Variants in SLC25A17 observed in about 807,000 individuals in gnomAD.
The protein encoded by SLC25A17 is solute carrier family 25 member 17, also known as peroxisomal membrane protein PMP34.
Under a neutral mutation model 38.5 loss-of-function variants are expected in SLC25A17, and 26 were observed. The ratio of observed to expected loss-of-function variants is 0.68; its 90% confidence interval spans 0.50 to 0.94. The LOEUF (loss-of-function observed/expected upper bound fraction) is 0.94. SLC25A17 is among the 40% of genes least tolerant of loss of function. The pLI, the probability that SLC25A17 is intolerant of heterozygous loss-of-function variation, is 0.00. For synonymous variants in SLC25A17, 139 were observed against 136.2 expected (o/e 1.02, Z -0.14); for missense variants, 333 against 372.7 (o/e 0.89, Z 0.88).
At chr22:40,774,964 G>C (rs938737285) in intron 7 of SLC25A17, among the ~76,000 whole-genome samples, 1 of 151,834 alleles carries the variant, frequency 6.6e-6, no homozygotes, top group Non-Finnish European at 1.5e-5. Context: ...TGCCACCACC[G>C]TGGTCCAGGC....
chr22:40,801,626 C>T (rs892145989), intron 1 of SLC25A17, among the ~76,000 whole-genome samples: 3 of 152,174 alleles, frequency 2.0e-5, no homozygotes, highest in Admixed American at 1.3e-4. Flanking sequence ...TCACAAAACA[C>T]TGAACCCACA....
intron 8 of SLC25A17, among the ~76,000 whole-genome samples, chr22:40,771,755 C>A (rs923180556): frequency 6.6e-6 from 1 of 151,714 alleles, no homozygotes; most frequent in Non-Finnish European, 1.5e-5. Context: ...TTAATAGGTA[C>A]AAAAATAGAT....
chr22:40,771,138 C>T (rs2057178887), intron 8 of SLC25A17, among the ~76,000 whole-genome samples, 157 bp from the exon 9 acceptor site: 1 of 152,236 alleles, frequency 6.6e-6, no homozygotes, highest in African/African-American at 2.4e-5. Flanking sequence ...GACGGAGTCT[C>T]GCTCTGTCGC....
At chr22:40,800,236 A>T (rs1050320700) in intron 1 of SLC25A17, among the ~76,000 whole-genome samples, 1 of 152,226 alleles carries the variant, frequency 6.6e-6, no homozygotes, top group African/African-American at 2.4e-5. Flanking sequence ...GTCCTATATA[A>T]AAACCACAAA....
At chr22:40,788,035 C>T (rs1044524475) in intron 4 of SLC25A17, among the ~76,000 whole-genome samples, 2 of 152,166 alleles carry the variant, frequency 1.3e-5, no homozygotes, top group Admixed American at 1.3e-4. Flanking sequence ...GGATTACAGG[C>T]GTGAGCCACT....
chr22:40,797,722 C>T (rs976168481), intron 2 of SLC25A17, among the ~76,000 whole-genome samples: 2 of 152,168 alleles, frequency 1.3e-5, no homozygotes, highest in African/African-American at 4.8e-5. Context: ...ACAATGATGA[C>T]CAGTATTTAA....
At chr22:40,788,934 T>TA in intron 4 of SLC25A17, 1 of 308,102 alleles carries the variant, frequency 3.2e-6, no homozygotes, top group South Asian at 4.1e-5. Context: ...TCTTTTCTGG[T>TA]CTGAGGTAGC....
intron 3 of SLC25A17, among the ~76,000 whole-genome samples, chr22:40,793,786 A>G (rs1056608254): frequency 1.9e-4 from 29 of 151,980 alleles, no homozygotes; most frequent in Non-Finnish European, 2.9e-5. Context: ...CTAATTTTGT[A>G]TTTTTAGTAA....
intron 1 of SLC25A17, among the ~76,000 whole-genome samples, chr22:40,812,290 C>T (rs1458146303): frequency 6.6e-6 from 1 of 152,124 alleles, no homozygotes; most frequent in African/African-American, 2.4e-5. Flanking sequence ...TATATCTCTC[C>T]TGTAAATATC....
chr22:40,790,532 T>G (rs1426035218), intron 4 of SLC25A17, among the ~76,000 whole-genome samples: 1 of 150,528 alleles, frequency 6.6e-6, no homozygotes, highest in African/African-American at 2.4e-5. Flanking sequence ...AAGTAAAAAA[T>G]GAAAGCTAAC....
intron 3 of SLC25A17, among the ~76,000 whole-genome samples, chr22:40,794,007 G>A (rs948296147): frequency 6.6e-6 from 1 of 152,162 alleles, no homozygotes; most frequent in African/African-American, 2.4e-5. Flanking sequence ...AGAGAAGGGA[G>A]GTGGGAGAGA....
intron 1 of SLC25A17, among the ~76,000 whole-genome samples, chr22:40,807,892 A>C (rs1207275347): frequency 6.6e-6 from 1 of 152,210 alleles, no homozygotes; most frequent in Non-Finnish European, 1.5e-5. Flanking sequence ...TGTTACCTGA[A>C]GCAAAATTAT....
At chr22:40,802,746 C>A (rs2057494207) in intron 1 of SLC25A17, among the ~76,000 whole-genome samples, 1 of 152,186 alleles carries the variant, frequency 6.6e-6, no homozygotes, top group Admixed American at 6.5e-5. Context: ...AAACCCACCA[C>A]TGCCTCCTCC....
At chr22:40,784,532 G>A (rs2057320311) in intron 4 of SLC25A17, 1 of 256,476 alleles carries the variant, frequency 3.9e-6, no homozygotes, top group African/African-American at 2.3e-5. Flanking sequence ...TAGCACTTTG[G>A]AAGGTCGAGG....
At chr22:40,788,947 A>C in intron 4 of SLC25A17, 1 of 316,334 alleles carries the variant, frequency 3.2e-6, no homozygotes, top group South Asian at 3.9e-5. Context: ...GAGGTAGCCA[A>C]CAACGGCCAC....
Position 40,770,588 on chromosome 22 carries a change from A to G in SLC25A17, c.*246T>C. The G allele has an allele frequency of 3.1e-6, 1 of 318,430 alleles. No individual in the cohort carries two copies. 19.7% of individuals were successfully genotyped at this position (318,430 alleles called of 1,614,324 possible). On this transcript the variant is annotated 3_prime_UTR_variant, in exon 9 of 9. Coordinates refer to ENST00000435456, the MANE Select transcript of SLC25A17 (RefSeq NM_006358.4). ...TAAACACTCACAAACTTTCATTTTT[A>G]GGTTTTCAGCAATGTTTTTTTCACA...
chr22:40,802,098 G>A (rs763986683), intron 1 of SLC25A17, among the ~76,000 whole-genome samples: 3 of 151,974 alleles, frequency 2.0e-5, no homozygotes, highest in Non-Finnish European at 4.4e-5. Flanking sequence ...GGCCGGTACT[G>A]CATTTCTTTG....
At chr22:40,778,414 C>T (rs1245982836) in intron 5 of SLC25A17, among the ~76,000 whole-genome samples, 1 of 152,118 alleles carries the variant, frequency 6.6e-6, no homozygotes, top group Non-Finnish European at 1.5e-5. Context: ...AGAATATGCT[C>T]ATGCTGGTCC....
chr22:40,798,943 C>CAAAA, intron 2 of SLC25A17, 80 bp downstream of exon 2: 10 of 782,382 alleles, frequency 1.3e-5, no homozygotes, highest in South Asian at 5.3e-5. Flanking sequence ...AACTCCGTCT[C>CAAAA]AAAAAAAAAA....
Sources: gnomAD v4.1 joint callset for allele counts (sites outside exome capture counted in the v4.1 genomes callset) on GRCh38, gnomAD v4.1.1 for gene constraint, MANE v1.5 for transcripts, NCBI Gene and HGNC (gene_info 2026-07-23, HGNC 2026-07-21) for gene names.